The following PCMTD1 variants were observed in gnomAD, a reference collection of about 807,000 sequenced individuals.
PCMTD1 encodes protein-L-isoaspartate O-methyltransferase domain-containing protein 1.
A neutral mutation model predicts 37.6 loss-of-function variants in PCMTD1; 12 were observed. That is an observed-to-expected ratio of 0.32 (90% confidence interval 0.20 to 0.52). The LOEUF is 0.52. Among genes scored for constraint, PCMTD1 ranks in the 20% least tolerant of loss-of-function variants. The probability of loss-of-function intolerance (pLI) is 0.97; values close to 1 mark genes in which losing one functional copy is unlikely to be tolerated. For synonymous variants in PCMTD1, 117 were observed against 135.8 expected, an observed-to-expected ratio of 0.86 and a Z score of 0.96; for missense variants, 235 against 421.3, an observed-to-expected ratio of 0.56 and a Z score of 3.87.
chr8:51,848,494 C>T (rs866388511), intron 2 of PCMTD1, among the ~76,000 whole-genome samples: 1 of 152,128 alleles, frequency 6.6e-6, no homozygotes, highest in East Asian at 1.9e-4. Flanking sequence ...ATAGTTCAAA[C>T]TGCATTATTA....
intron 1 of PCMTD1, among the ~76,000 whole-genome samples, chr8:51,875,997 CGT>C (rs1162801809): frequency 1.8e-4 from 27 of 152,018 alleles, no homozygotes; most frequent in East Asian, 3.9e-4. Flanking sequence ...TGCACGCATG[CGT>C]GTGTTATCAC....
chr8:51,837,946 AT>A (rs2038091292), intron 3 of PCMTD1, among the ~76,000 whole-genome samples: 1 of 151,722 alleles, frequency 6.6e-6, no homozygotes, highest in Admixed American at 6.6e-5. Context: ...CAATCAGCTA[AT>A]TTTTTGTATT....
At chr8:51,878,450 T>C (rs1047542405) in intron 1 of PCMTD1, among the ~76,000 whole-genome samples, 2 of 152,146 alleles carry the variant, frequency 1.3e-5, no homozygotes, top group African/African-American at 4.8e-5. Flanking sequence ...TATAACTACA[T>C]GAATTGTGAG....
intron 3 of PCMTD1, among the ~76,000 whole-genome samples, chr8:51,838,561 T>G (rs1239448576): frequency 6.6e-6 from 1 of 152,102 alleles, no homozygotes; most frequent in Non-Finnish European, 1.5e-5. Flanking sequence ...AATAACTAGA[T>G]GACTGATTCA....
intron 1 of PCMTD1, among the ~76,000 whole-genome samples, chr8:51,897,050 GCA>G (rs1316249510): frequency 4.6e-5 from 7 of 152,058 alleles, no homozygotes; most frequent in African/African-American, 9.7e-5. Flanking sequence ...TTCCTTTCGA[GCA>G]CAGTTTCCAA....
chr8:51,828,065 G>T (rs2037947056), intron 5 of PCMTD1, among the ~76,000 whole-genome samples: 1 of 152,018 alleles, frequency 6.6e-6, no homozygotes, highest in Non-Finnish European at 1.5e-5. Flanking sequence ...AAAACTATCA[G>T]ATAAAAAAAT....
chr8:51,828,668 T>C (rs901035032), intron 5 of PCMTD1, among the ~76,000 whole-genome samples: 2 of 152,350 alleles, frequency 1.3e-5, no homozygotes, highest in Middle Eastern at 3.4e-3. Context: ...ACAATATTTA[T>C]GATTTACAAT....
At chr8:51,851,642 G>T (rs940048233) in intron 2 of PCMTD1, among the ~76,000 whole-genome samples, 26 of 147,538 alleles carry the variant, frequency 1.8e-4, no homozygotes, top group South Asian at 4.4e-4. Context: ...AACAGCTTCA[G>T]ATTTTGACTC....
intron 1 of PCMTD1, among the ~76,000 whole-genome samples, chr8:51,897,958 ATAAC>A (rs1045958273): frequency 1.2e-4 from 18 of 152,150 alleles, no homozygotes; most frequent in African/African-American, 2.4e-4. Flanking sequence ...AAAATCCTGA[ATAAC>A]TACCCACCAC....
intron 1 of PCMTD1, among the ~76,000 whole-genome samples, chr8:51,882,767 G>A (rs1585852015): frequency 6.8e-6 from 1 of 146,298 alleles, no homozygotes; most frequent in South Asian, 2.3e-4. Context: ...TTTCATTGGA[G>A]AGAAAACGCA....
intron 2 of PCMTD1, among the ~76,000 whole-genome samples, chr8:51,854,472 A>C (rs149646855): frequency 5.2e-4 from 79 of 152,318 alleles, no homozygotes; most frequent in African/African-American, 1.9e-3. Flanking sequence ...GGACTAAGAA[A>C]TAATAGTTCA....
chr8:51,873,320 A>C (rs1407270549), intron 1 of PCMTD1, among the ~76,000 whole-genome samples: 4 of 152,212 alleles, frequency 2.6e-5, no homozygotes. Context: ...GCACTACTAA[A>C]AATATTGTAA....
At chr8:51,893,320 G>C (rs1311353235) in intron 1 of PCMTD1, among the ~76,000 whole-genome samples, 1 of 152,146 alleles carries the variant, frequency 6.6e-6, no homozygotes, top group Admixed American at 6.5e-5. Context: ...TGTAACTTCT[G>C]CATGATAACC....
At chr8:51,896,443 C>T (rs1330259386) in intron 1 of PCMTD1, 1 of 152,102 alleles carries the variant, frequency 6.6e-6, no homozygotes, top group African/African-American at 2.4e-5. Flanking sequence ...CTTTCCAGCA[C>T]ACTAATTTAC....
chr8:51,835,407 CT>C (rs1341972514), intron 3 of PCMTD1, among the ~76,000 whole-genome samples: 24 of 152,108 alleles, frequency 1.6e-4, no homozygotes, highest in African/African-American at 5.6e-4. Context: ...TTTAATTTCT[CT>C]TTTATATTCA....
intron 1 of PCMTD1, among the ~76,000 whole-genome samples, chr8:51,868,683 GATT>G (rs1211989324): frequency 2.0e-5 from 3 of 151,994 alleles, no homozygotes; most frequent in African/African-American, 7.2e-5. Context: ...AGAAAGAGAA[GATT>G]ATTACATAAA....
At chr8:51,823,350 G>T (rs945463384) in intron 5 of PCMTD1, among the ~76,000 whole-genome samples, 26 of 152,198 alleles carry the variant, frequency 1.7e-4, no homozygotes, top group African/African-American at 6.3e-4. Context: ...TGTATTCCCA[G>T]CTAGTCAGTA....
At chr8:51,862,178 C>A (rs968187948) in intron 1 of PCMTD1, among the ~76,000 whole-genome samples, 5 of 152,154 alleles carry the variant, frequency 3.3e-5, no homozygotes, top group African/African-American at 1.2e-4. Flanking sequence ...TGTTAACACA[C>A]AGAATAACAT....
At chr8:51,892,641 A>G (rs764970794) in intron 1 of PCMTD1, among the ~76,000 whole-genome samples, 15 of 152,264 alleles carry the variant, frequency 9.9e-5, no homozygotes, top group Non-Finnish European at 2.1e-4. Context: ...GAATATAGTT[A>G]AATCAATTAT....
Sources: allele counts gnomAD v4.1 joint callset (sites outside exome capture counted in the v4.1 genomes callset), GRCh38; gene constraint gnomAD v4.1.1; transcripts MANE v1.5; gene names NCBI Gene and HGNC (gene_info 2026-07-23, HGNC 2026-07-21).